Variants in JAKMIP2 observed in about 807,000 individuals in gnomAD.
JAKMIP2 encodes janus kinase and microtubule interacting protein 2, also known as janus kinase and microtubule-interacting protein 2.
Under a neutral mutation model 115.0 loss-of-function variants are expected in JAKMIP2, and 25 were observed. The ratio of observed to expected loss-of-function variants is 0.22; its 90% CI spans 0.16 to 0.30. The LOEUF (loss-of-function observed/expected upper bound fraction) is 0.30. JAKMIP2 is among the 10% of genes least tolerant of loss of function. The probability of loss-of-function intolerance (pLI) is 1.00; values close to 1 mark genes in which losing one functional copy is unlikely to be tolerated. For missense variants in JAKMIP2, 642 were observed against 957.6 expected, an observed-to-expected ratio of 0.67 and a Z score of 4.35; for synonymous variants, 334 against 343.6, an observed-to-expected ratio of 0.97 and a Z score of 0.31.
intron 1 of JAKMIP2, among the ~76,000 whole-genome samples, chr5:147,693,715 T>G (rs1358177020): frequency 6.6e-6 from 1 of 152,176 alleles, no homozygotes; most frequent in Non-Finnish European, 1.5e-5. Flanking sequence ...ATTAATTTAT[T>G]TTATAGTAGA....
At chr5:147,604,320 C>A (rs1741326568) in intron 20 of JAKMIP2, among the ~76,000 whole-genome samples, 1 of 152,202 alleles carries the variant, frequency 6.6e-6, no homozygotes, top group Non-Finnish European at 1.5e-5. Context: ...ATTTGACTTA[C>A]ACATTTTTAG....
intron 2 of JAKMIP2, among the ~76,000 whole-genome samples, chr5:147,664,452 T>A (rs1374155014): frequency 6.6e-6 from 1 of 152,120 alleles, no homozygotes; most frequent in Non-Finnish European, 1.5e-5. Context: ...TGGGGGGGAT[T>A]ATGCTATTTT....
intron 1 of JAKMIP2, among the ~76,000 whole-genome samples, chr5:147,747,022 T>A (rs1345695029): frequency 6.6e-6 from 1 of 152,244 alleles, no homozygotes; most frequent in Non-Finnish European, 1.5e-5. Flanking sequence ...GCTGTTTGTA[T>A]GTCCAATGCT....
At chr5:147,604,381 GGAA>G (rs1029388911) in intron 20 of JAKMIP2, among the ~76,000 whole-genome samples, 43 of 152,212 alleles carry the variant, frequency 2.8e-4, no homozygotes, top group African/African-American at 1.0e-3. Flanking sequence ...GGAACCCATG[GGAA>G]GAAGAAGGGA....
chr5:147,719,682 T>C (rs1049630984), intron 1 of JAKMIP2, among the ~76,000 whole-genome samples: 1 of 151,202 alleles, frequency 6.6e-6, no homozygotes, highest in African/African-American at 2.4e-5. Context: ...CCTGCCTTTT[T>C]TTGTTTTCCA....
At chr5:147,633,504 C>T (rs932554670) in intron 12 of JAKMIP2, among the ~76,000 whole-genome samples, 1 of 152,134 alleles carries the variant, frequency 6.6e-6, no homozygotes, top group Non-Finnish European at 1.5e-5. Flanking sequence ...AGCATTAGCA[C>T]TTAAATAAGC....
At chr5:147,595,436 C>A (rs1338759437) in intron 21 of JAKMIP2, 2 of 456,832 alleles carry the variant, frequency 4.4e-6, no homozygotes, top group African/African-American at 4.0e-5. Context: ...TTTGCCCCCT[C>A]CAGGGGATGC....
At chr5:147,621,445 A>T (rs1254721416) in intron 17 of JAKMIP2, among the ~76,000 whole-genome samples, 1 of 152,242 alleles carries the variant, frequency 6.6e-6, no homozygotes, top group Non-Finnish European at 1.5e-5. Flanking sequence ...AACTCTGAAG[A>T]AAAACTCAAT....
At chr5:147,756,559 A>G (rs550102217) in intron 1 of JAKMIP2, among the ~76,000 whole-genome samples, 2 of 152,318 alleles carry the variant, frequency 1.3e-5, no homozygotes, top group Admixed American at 6.5e-5. Flanking sequence ...CATCCAGTAA[A>G]TCTCTTTAAG....
At chr5:147,717,714 T>A (rs1439310792) in intron 1 of JAKMIP2, among the ~76,000 whole-genome samples, 2 of 150,632 alleles carry the variant, frequency 1.3e-5, no homozygotes, top group Non-Finnish European at 3.0e-5. Flanking sequence ...GAGACTTTGC[T>A]GAAGTTGCTG....
At chr5:147,734,304 A>G (rs2126977375) in intron 1 of JAKMIP2, among the ~76,000 whole-genome samples, 1 of 152,312 alleles carries the variant, frequency 6.6e-6, no homozygotes, top group African/African-American at 2.4e-5. Flanking sequence ...AATATACACC[A>G]TGGAATGCTA....
At chr5:147,625,785 G>T (rs1757067559) in intron 16 of JAKMIP2, among the ~76,000 whole-genome samples, 3 of 152,078 alleles carry the variant, frequency 2.0e-5, no homozygotes, top group African/African-American at 4.8e-5. Flanking sequence ...TATTTGGGCG[G>T]TGGATACACT....
chr5:147,684,503 G>C (rs930849593), intron 1 of JAKMIP2, among the ~76,000 whole-genome samples: 1 of 152,116 alleles, frequency 6.6e-6, no homozygotes, highest in Non-Finnish European at 1.5e-5. Flanking sequence ...GGAAATGAAG[G>C]GTGAATAGGA....
intron 1 of JAKMIP2, among the ~76,000 whole-genome samples, chr5:147,687,330 G>A (rs972913774): frequency 6.6e-6 from 1 of 152,172 alleles, no homozygotes; most frequent in Non-Finnish European, 1.5e-5. Flanking sequence ...TCCCCACTGG[G>A]AGAGACCAAC....
chr5:147,644,198 T>C lies in JAKMIP2; in HGVS notation c.1084A>G (p.Arg362Gly). ...KAVTKENSEM[R>G]EKITSHPPLK... ...GGTGGATGGGATGTTATTTTTTCTCTCTGGATTGGAAAAGAAGAAAGTACA... is the reference window on the plus strand; with the variant it reads ...GGTGGATGGGATGTTATTTTTTCTCCCTGGATTGGAAAAGAAGAAAGTACA... The change falls in exon 7 of 22, where the codon AGA (arginine) becomes GGA (glycine). Residue 362 changes from arginine to glycine, a missense_variant and splice_region_variant. Coordinates refer to ENST00000616793, the MANE Select transcript of JAKMIP2 (RefSeq NM_001270941.2). The C allele has an allele frequency of 6.3e-7, 1 of 1,576,184 alleles. No homozygotes were observed. Among genetic ancestry groups the C allele is most frequent in the South Asian group, 1.2e-5 (1 of 85,858 alleles).
At chr5:147,629,663 A>C (rs775120914) in intron 15 of JAKMIP2, 30 bp downstream of exon 15, 2 of 1,568,000 alleles carry the variant, frequency 1.3e-6, no homozygotes, top group African/African-American at 1.3e-5. Context: ...AGGCAAATTC[A>C]TATCTATACT....
At chr5:147,756,479 C>A (rs1754749278) in intron 1 of JAKMIP2, among the ~76,000 whole-genome samples, 1 of 152,146 alleles carries the variant, frequency 6.6e-6, no homozygotes, top group Non-Finnish European at 1.5e-5. Flanking sequence ...ACAGGAAAGA[C>A]CTTGCTCGGC....
At chr5:147,601,601 T>TCAAAACAAAA (rs111740872) in intron 21 of JAKMIP2, 140 bp downstream of exon 21, 2 of 438,478 alleles carry the variant, frequency 4.6e-6, no homozygotes, top group African/African-American at 4.3e-5. Context: ...AGACTCTGTC[T>TCAAAACAAAA]CAAAACAAAA....
At chr5:147,607,925 T>G (rs998215371) in intron 20 of JAKMIP2, among the ~76,000 whole-genome samples, 1 of 152,138 alleles carries the variant, frequency 6.6e-6, no homozygotes, top group Non-Finnish European at 1.5e-5. Flanking sequence ...GTCCAGGAAT[T>G]TATCAATTTC....
Sources: gnomAD v4.1 joint callset for allele counts (sites outside exome capture counted in the v4.1 genomes callset) on GRCh38, gnomAD v4.1.1 for gene constraint, MANE v1.5 for transcripts, NCBI Gene and HGNC (gene_info 2026-07-23, HGNC 2026-07-21) for gene names.